KCND3: variants seen among roughly 807,000 people sequenced by gnomAD.
KCND3 encodes A-type voltage-gated potassium channel KCND3.
KCND3 carries 9 observed loss-of-function variants against 51.1 expected under a neutral mutation model. The observed-to-expected ratio is 0.18, with a 90% confidence interval of 0.11 to 0.31. KCND3 has a LOEUF of 0.31. Among genes scored for constraint, KCND3 ranks in the 10% least tolerant of loss-of-function variants. The pLI is 1.00. For synonymous variants in KCND3, 349 were observed against 368.0 expected (o/e 0.95, Z 0.59); for missense variants, 526 against 903.8 (o/e 0.58, Z 5.36).
intron 2 of KCND3, among the ~76,000 whole-genome samples, chr1:111,825,837 A>G (rs1201634357): frequency 6.6e-6 from 1 of 152,246 alleles, no homozygotes; most frequent in East Asian, 1.9e-4. Context: ...TTTTGCTTAT[A>G]CAAATATTAT....
chr1:111,850,323 C>T (rs1311352374), intron 2 of KCND3, among the ~76,000 whole-genome samples: 1 of 152,108 alleles, frequency 6.6e-6, no homozygotes, highest in African/African-American at 2.4e-5. Flanking sequence ...ACTAAACAAC[C>T]CGACTGACAG....
intron 2 of KCND3, among the ~76,000 whole-genome samples, 156 bp from the exon 3 acceptor site, chr1:111,787,262 G>A (rs772118340): frequency 6.6e-6 from 1 of 152,162 alleles, no homozygotes; most frequent in Non-Finnish European, 1.5e-5. Flanking sequence ...TGGACCTGGG[G>A]GTGAACAAGA....
At chr1:111,851,232 T>C (rs1412341902) in intron 2 of KCND3, among the ~76,000 whole-genome samples, 1 of 152,238 alleles carries the variant, frequency 6.6e-6, no homozygotes, top group Non-Finnish European at 1.5e-5. Flanking sequence ...CATATTCCAC[T>C]GACTTATAAT....
intron 2 of KCND3, among the ~76,000 whole-genome samples, chr1:111,852,619 A>C (rs1273272630): frequency 6.6e-6 from 1 of 152,196 alleles, no homozygotes; most frequent in Admixed American, 6.5e-5. Flanking sequence ...AATTACGCAC[A>C]CACCAAGCAT....
Position 111,777,036 on chromosome 1 carries a change from G to T in KCND3, c.1756C>A (p.Leu586Ile), listed in dbSNP as rs778053688. ...IHIQGSEQPS[L>I]TTSRSSLNLK... Reference sequence around the variant, plus strand: ...ATGGAAGCCACCCACCTGGTTGTGAGGGAGGGCTGCTCACTGCCCTGGATG... The same window carrying T: ...ATGGAAGCCACCCACCTGGTTGTGATGGAGGGCTGCTCACTGCCCTGGATG... Residue 586 changes from leucine (L) to isoleucine (I), a missense_variant, in exon 7 of 8, where the codon CTC becomes ATC. Physicochemically the swap from Leu to Ile is conservative, Grantham distance 5. Around this residue, in one of 5 missense-constraint regions of KCND3, gnomAD observed 266 missense variants for 305.5 expected, o/e 0.87. Transcript: ENST00000302127. 2 of 1,613,380 alleles carry T rather than the reference G, an allele frequency of 1.2e-6. No homozygotes were observed. The highest frequency in any genetic ancestry group is 1.1e-5 in the South Asian group (1 of 91,044).
intron 2 of KCND3, among the ~76,000 whole-genome samples, chr1:111,835,280 T>C (rs1476880753): frequency 6.6e-6 from 1 of 152,206 alleles, no homozygotes. Context: ...GGATCATTTT[T>C]AGTTGTTGAT....
intron 2 of KCND3, among the ~76,000 whole-genome samples, chr1:111,818,754 C>A (rs766532409): frequency 6.6e-6 from 1 of 152,166 alleles, no homozygotes; most frequent in African/African-American, 2.4e-5. Context: ...AAGGGCCGCC[C>A]GGGCCTCCCC....
intron 2 of KCND3, among the ~76,000 whole-genome samples, chr1:111,855,596 G>T (rs1481536095): frequency 6.6e-6 from 1 of 152,128 alleles, no homozygotes; most frequent in Non-Finnish European, 1.5e-5. Context: ...GGAAGCTTTG[G>T]GGTACATATC....
intron 2 of KCND3, among the ~76,000 whole-genome samples, chr1:111,852,175 C>T (rs1008347311): frequency 6.6e-6 from 1 of 152,230 alleles, no homozygotes; most frequent in Non-Finnish European, 1.5e-5. Flanking sequence ...GTCCCTATTC[C>T]AGGTGCTGAA....
At position 111,789,140 on chromosome 1, in the gene KCND3, G is replaced by A. The variant is rs940822395; in HGVS notation, c.1107-2034C>T. ...GCAGGAGTGCAGAAGAACAATGCCA[G>A]GAAGGCTGCATTTCAGAGTGACCAA... is the stretch of plus-strand genomic sequence containing the variant. On this transcript the variant is annotated intron_variant, in intron 2 of 7. Coordinates refer to ENST00000302127, the MANE Select transcript of KCND3 (RefSeq NM_001378969.1). Among the ~76,000 whole-genome samples, 11 of 152,356 alleles carry A rather than the reference G, an allele frequency of 7.2e-5. No individual in the cohort carries two copies. In the East Asian group the frequency reaches 2.1e-3, roughly 29 times the overall value.
At chr1:111,939,403 G>C (rs192074019) in intron 2 of KCND3, among the ~76,000 whole-genome samples, 2 of 151,960 alleles carry the variant, frequency 1.3e-5, no homozygotes, top group African/African-American at 2.4e-5. Flanking sequence ...CAACAGGCCC[G>C]GGTGTGTGAT....
At chr1:111,802,066 G>A (rs902845250) in intron 2 of KCND3, among the ~76,000 whole-genome samples, 32 of 152,210 alleles carry the variant, frequency 2.1e-4, no homozygotes, top group Non-Finnish European at 4.4e-5. Flanking sequence ...TCTGAACAAT[G>A]GAATAGCAAT....
intron 2 of KCND3, among the ~76,000 whole-genome samples, chr1:111,969,674 G>C (rs1674214719): frequency 6.6e-6 from 1 of 152,226 alleles, no homozygotes; most frequent in African/African-American, 2.4e-5. Context: ...TGTTGTTAGG[G>C]ATAATGACAG....
At chr1:111,951,157 CAAAAAAAAAAAAAAAAAA>C (rs71081206) in intron 2 of KCND3, among the ~76,000 whole-genome samples, 1 of 30,610 alleles carries the variant, frequency 3.3e-5, no homozygotes, top group Non-Finnish European at 8.0e-5. Context: ...CAAACAAGAG[CAAAAAAAAAAAAAAAAAA>C]AAAAAAAAAA....
At chr1:111,787,187 C>T in intron 2 of KCND3, 81 bp from the exon 3 acceptor site, 2 of 1,397,364 alleles carry the variant, frequency 1.4e-6, no homozygotes, top group Non-Finnish European at 2.0e-6. Context: ...AATCATTCAC[C>T]TGTTTATTCA....
chr1:111,776,323 C>A (rs540669131), intron 7 of KCND3, 45 bp from the exon 8 acceptor site: 18 of 1,574,172 alleles, frequency 1.1e-5, no homozygotes, highest in Non-Finnish European at 1.6e-5. Flanking sequence ...TGCTGGCCAG[C>A]GTCCCAAAGC....
rs532671696 is a variant in KCND3 at position 111,804,328 on chromosome 1, T to C, written c.1107-17222A>G. Among the ~76,000 whole-genome samples the C allele has an allele frequency of 2.6e-5, 4 of 152,348 alleles. No homozygotes were observed. The South Asian group carries it at 8.3e-4, about 32-fold the overall frequency. ...CAGGCAGGAAAGAGGCAGGTGGTCT[T>C]AGGGGTTGCTGCAGGGCTAGCAGGG... On this transcript the variant is annotated intron_variant, in intron 2 of 7. Coordinates refer to ENST00000302127, the MANE Select transcript of KCND3 (RefSeq NM_001378969.1).
rs146863500 is a variant in KCND3 at position 111,805,868 on chromosome 1, C to G, written c.1107-18762G>C. Among the ~76,000 whole-genome samples the G allele has an allele frequency of 7.9e-5, 12 of 152,340 alleles. No homozygotes were observed. In the East Asian group the frequency reaches 1.2e-3, roughly 15 times the overall value. Reference sequence around the variant, plus strand: ...AGAATGAAAACAGAGGCTCAGAGGTCTGGGACCAAGGTATCCTGGAGCAGC... The same window carrying G: ...AGAATGAAAACAGAGGCTCAGAGGTGTGGGACCAAGGTATCCTGGAGCAGC... On this transcript the variant is annotated intron_variant, in intron 2 of 7. Coordinates refer to ENST00000302127, the MANE Select transcript of KCND3 (RefSeq NM_001378969.1).
intron 2 of KCND3, among the ~76,000 whole-genome samples, chr1:111,921,856 A>T (rs1199171734): frequency 1.3e-5 from 2 of 152,148 alleles, no homozygotes; most frequent in Non-Finnish European, 2.9e-5. Flanking sequence ...GCCTTTTCTA[A>T]AACTGTTAGG....
Sources: gnomAD v4.1 joint callset for allele counts (sites outside exome capture counted in the v4.1 genomes callset) on GRCh38, gnomAD v4.1.1 for gene constraint, gnomAD v4.1.1 regional missense constraint, MANE v1.5 for transcripts, NCBI Gene and HGNC (gene_info 2026-07-23, HGNC 2026-07-21) for gene names.